CDH2: variants seen among roughly 807,000 people sequenced by gnomAD.
CDH2 encodes the protein cadherin 2.
Under a neutral mutation model 92.0 loss-of-function variants are expected in CDH2, and 17 were observed. The observed-to-expected ratio is 0.18, with a 90% CI of 0.13 to 0.28. CDH2 has a LOEUF of 0.28. Among genes scored for constraint, CDH2 ranks in the 10% least tolerant of loss-of-function variants. The pLI is 1.00. For synonymous variants in CDH2, 419 were observed against 415.9 expected, an observed-to-expected ratio of 1.01 and a Z score of -0.09; for missense variants, 862 against 1,133.1, an observed-to-expected ratio of 0.76 and a Z score of 3.44.
chr18:28,007,001 G>A (rs1370047897), intron 5 of CDH2, among the ~76,000 whole-genome samples: 2 of 150,634 alleles, frequency 1.3e-5, no homozygotes, highest in African/African-American at 4.9e-5. Flanking sequence ...GTGAAAACCT[G>A]TCTCTACTAA....
chr18:28,062,896 C>A (rs1184276569), intron 2 of CDH2, among the ~76,000 whole-genome samples: 1 of 152,122 alleles, frequency 6.6e-6, no homozygotes, highest in Non-Finnish European at 1.5e-5. Context: ...TTGCTTGCAC[C>A]TGGGAGGAGG....
At chr18:28,027,456 A>T (rs920329654) in intron 2 of CDH2, among the ~76,000 whole-genome samples, 3 of 152,172 alleles carry the variant, frequency 2.0e-5, no homozygotes, top group Admixed American at 6.6e-5. Flanking sequence ...GTCATATTTA[A>T]CTAACATATA....
At chr18:28,120,281 T>C (rs146434714) in intron 2 of CDH2, among the ~76,000 whole-genome samples, 159 of 152,176 alleles carry the variant, frequency 1.0e-3, no homozygotes, top group African/African-American at 3.5e-3. Context: ...ATATTTTGTA[T>C]GTATGCATAT....
intron 1 of CDH2, among the ~76,000 whole-genome samples, chr18:28,171,856 G>A (rs976489928): frequency 3.3e-5 from 5 of 152,124 alleles, no homozygotes; most frequent in African/African-American, 7.2e-5. Flanking sequence ...ACATCTGGAC[G>A]AAATCAGAAC....
chr18:28,011,619 CCA>C (rs2013101983), intron 4 of CDH2, among the ~76,000 whole-genome samples: 1 of 152,090 alleles, frequency 6.6e-6, no homozygotes, highest in African/African-American at 2.4e-5. Flanking sequence ...GCTTTCTAAT[CCA>C]CAGTGTGCAG....
At chr18:28,039,196 C>T (rs1306690374) in intron 2 of CDH2, among the ~76,000 whole-genome samples, 1 of 152,060 alleles carries the variant, frequency 6.6e-6, no homozygotes, top group Non-Finnish European at 1.5e-5. Flanking sequence ...CTAGCAAGTC[C>T]ATAACCTACT....
intron 2 of CDH2, among the ~76,000 whole-genome samples, chr18:28,143,000 C>T (rs922006711): frequency 3.3e-5 from 5 of 151,904 alleles, no homozygotes; most frequent in South Asian, 2.1e-4. Flanking sequence ...GATACCATAC[C>T]GCAGCTTCTT....
rs568486 is a variant in CDH2, at chr18:28,068,668, T to C, written c.173-54759A>G. ...GACACTTGATGTTCACATATAAAAA[T>C]AATAACATTAGCAACCATCACGCAG... On this transcript the variant is annotated intron_variant, in intron 2 of 15. Transcript: ENST00000269141. Among the ~76,000 whole-genome samples, 827 of 152,314 alleles carry C rather than the reference T, an allele frequency of 5.4e-3. 9 individuals carry two copies. The highest frequency in any genetic ancestry group is 0.019 in the African/African-American group (793 of 41,574).
intron 2 of CDH2, among the ~76,000 whole-genome samples, chr18:28,120,056 T>C (rs1302189666): frequency 6.6e-6 from 1 of 152,088 alleles, no homozygotes; most frequent in Non-Finnish European, 1.5e-5. Flanking sequence ...AATAAACGTC[T>C]TCCTTGTTTA....
At chr18:28,048,791 A>T (rs1355738588) in intron 2 of CDH2, among the ~76,000 whole-genome samples, 3 of 152,206 alleles carry the variant, frequency 2.0e-5, no homozygotes, top group Non-Finnish European at 4.4e-5. Context: ...ATTTCTGTTG[A>T]AACAGAAACA....
At chr18:28,137,307 G>A (rs997992538) in intron 2 of CDH2, among the ~76,000 whole-genome samples, 9 of 152,050 alleles carry the variant, frequency 5.9e-5, no homozygotes, top group Admixed American at 5.2e-4. Flanking sequence ...ATACAACACA[G>A]AGTATAAATA....
rs531364252 is a variant in CDH2, at chr18:27,941,503, G to A, written c.1152-8379C>T. On this transcript the variant is annotated intron_variant, in intron 6 of 6. Coordinates refer to the CDH2 transcript ENST00000675173. ...ATGATTTCATAAACTTGATGATACT[G>A]GTATTAAGTTCTTGTAAAGAATGTG... Among the ~76,000 whole-genome samples, 164 of 152,172 alleles carry A rather than the reference G, an allele frequency of 1.1e-3. 3 individuals carry two copies. Among genetic ancestry groups the A allele is most frequent in the Non-Finnish European group, 2.1e-3 (142 of 68,010 alleles).
chr18:27,978,862 C>T (rs2011942373), intron 14 of CDH2, among the ~76,000 whole-genome samples: 1 of 151,766 alleles, frequency 6.6e-6, no homozygotes, highest in African/African-American at 2.4e-5. Flanking sequence ...TACTATGTTG[C>T]CCAGGCTGGT....
intron 2 of CDH2, among the ~76,000 whole-genome samples, chr18:28,071,355 A>G (rs1368253684): frequency 1.3e-5 from 2 of 152,100 alleles, no homozygotes; most frequent in East Asian, 3.9e-4. Flanking sequence ...CGTACTAGTC[A>G]GAAGGTCACT....
intron 2 of CDH2, among the ~76,000 whole-genome samples, chr18:28,034,882 T>C (rs1435393828): frequency 6.6e-6 from 1 of 152,030 alleles, no homozygotes; most frequent in East Asian, 1.9e-4. Flanking sequence ...TCATCCCCTC[T>C]AAAAGTAATG....
chr18:28,098,121 G>A (rs1005711757), intron 2 of CDH2, among the ~76,000 whole-genome samples: 2 of 152,126 alleles, frequency 1.3e-5, no homozygotes, highest in African/African-American at 4.8e-5. Context: ...TGGGGAATGG[G>A]AAGTTGTAAA....
At chr18:28,062,713 C>T (rs1203911783) in intron 2 of CDH2, among the ~76,000 whole-genome samples, 1 of 152,200 alleles carries the variant, frequency 6.6e-6, no homozygotes, top group Non-Finnish European at 1.5e-5. Context: ...GTGGCTCATG[C>T]CTGTAATCCC....
At chr18:28,158,345 T>C (rs985134003) in intron 1 of CDH2, among the ~76,000 whole-genome samples, 2 of 152,156 alleles carry the variant, frequency 1.3e-5, no homozygotes, top group Non-Finnish European at 2.9e-5. Flanking sequence ...AATAAAGAAA[T>C]AAATCTCCAA....
chr18:27,995,381 A>G (rs2012550023), intron 7 of CDH2, among the ~76,000 whole-genome samples: 1 of 151,924 alleles, frequency 6.6e-6, no homozygotes, highest in Non-Finnish European at 1.5e-5. Context: ...TCCTTCCCCA[A>G]TTAGAAGTGT....
Sources: allele counts gnomAD v4.1 joint callset (sites outside exome capture counted in the v4.1 genomes callset), GRCh38; gene constraint gnomAD v4.1.1; transcripts MANE v1.5; gene names NCBI Gene and HGNC (gene_info 2026-07-23, HGNC 2026-07-21).